Variants in BCL2 observed in about 807,000 individuals in gnomAD.
BCL2 encodes BCL2 apoptosis regulator, also known as apoptosis regulator Bcl-2.
Under a neutral mutation model 14.2 loss-of-function variants are expected in BCL2, and 1 was observed. The observed-to-expected ratio is 0.07, with a 90% CI of 0.02 to 0.33. The LOEUF is 0.33. Ranked by LOEUF, BCL2 falls within the 10% of genes least tolerant of loss-of-function variation. The probability of loss-of-function intolerance (pLI) is 0.99; values close to 1 mark genes in which losing one functional copy is unlikely to be tolerated. For missense variants in BCL2, 247 were observed against 305.9 expected, an observed-to-expected ratio of 0.81 and a Z score of 1.44; for synonymous variants, 151 against 137.2, an observed-to-expected ratio of 1.10 and a Z score of -0.70.
At chr18:63,288,378 T>A (rs1477780487) in intron 2 of BCL2, among the ~76,000 whole-genome samples, 2 of 152,260 alleles carry the variant, frequency 1.3e-5, no homozygotes, top group African/African-American at 4.8e-5. Flanking sequence ...ATAACAAAGC[T>A]TTTCCTTCCT....
intron 2 of BCL2, among the ~76,000 whole-genome samples, chr18:63,147,189 A>C (rs1250821794): frequency 6.6e-6 from 1 of 152,094 alleles, no homozygotes; most frequent in Non-Finnish European, 1.5e-5. Flanking sequence ...CAGTTCCTCC[A>C]CTTGTGGTCC....
In BCL2 at chr18:63,128,506, G is replaced by C; in HGVS notation, c.*119C>G. The C allele has an allele frequency of 1.5e-6, 1 of 657,576 alleles. No individual in the cohort carries two copies. The highest frequency in any genetic ancestry group is 2.8e-6 in the Non-Finnish European group (1 of 353,532). The allele number at this position is 657,576 out of a possible 1,614,324, so 40.7% of individuals were successfully genotyped here. ...GTCTGTGTGTGTGATGTTTATATGT[G>C]TGTTATTTTTTCTTAAACAGCCTGC... On this transcript the variant is annotated 3_prime_UTR_variant, in exon 3 of 3. Coordinates refer to ENST00000333681, the MANE Select transcript of BCL2 (RefSeq NM_000633.3).
chr18:63,133,494 G>C (rs1043113316), intron 2 of BCL2, among the ~76,000 whole-genome samples: 2 of 151,970 alleles, frequency 1.3e-5, no homozygotes, highest in African/African-American at 4.8e-5. Flanking sequence ...TTTCATGTTG[G>C]CCAGGCTGGA....
intron 2 of BCL2, among the ~76,000 whole-genome samples, chr18:63,284,956 A>G (rs2144259905): frequency 6.6e-6 from 1 of 152,272 alleles, no homozygotes; most frequent in African/African-American, 2.4e-5. Context: ...AGACGCCAGG[A>G]AAAAAATGGA....
intron 2 of BCL2, among the ~76,000 whole-genome samples, chr18:63,188,654 A>G (rs572530685): frequency 6.6e-6 from 1 of 152,276 alleles, no homozygotes; most frequent in African/African-American, 2.4e-5. Flanking sequence ...CCATAATACT[A>G]TGTATACATC....
At chr18:63,296,471 T>TTGTTTTG (rs908193528) in intron 2 of BCL2, among the ~76,000 whole-genome samples, 1 of 152,174 alleles carries the variant, frequency 6.6e-6, no homozygotes, top group South Asian at 2.1e-4. Context: ...ATTGGCTTAA[T>TTGTTTTG]TGTTTTGTGT....
intron 2 of BCL2, among the ~76,000 whole-genome samples, chr18:63,306,626 A>C (rs1478806159): frequency 6.6e-6 from 1 of 152,164 alleles, no homozygotes; most frequent in Non-Finnish European, 1.5e-5. Context: ...CTCATCCTTC[A>C]GGCTTCAGTC....
intron 2 of BCL2, among the ~76,000 whole-genome samples, chr18:63,289,161 C>A (rs896967426): frequency 6.6e-6 from 1 of 151,922 alleles, no homozygotes; most frequent in East Asian, 1.9e-4. Flanking sequence ...TAGAAAACAG[C>A]CCCGGGCCTC....
chr18:63,229,400 A>AT (rs1172323540), intron 2 of BCL2, among the ~76,000 whole-genome samples: 35 of 152,294 alleles, frequency 2.3e-4, no homozygotes, highest in Middle Eastern at 6.8e-3. Context: ...TAACTGATAT[A>AT]TTTGAGTATT....
rs183719651 is a variant in BCL2, at chr18:63,229,346, G to A, written c.585+88736C>T. On this transcript the variant is annotated intron_variant, in intron 2 of 2. Coordinates refer to ENST00000333681, the MANE Select transcript of BCL2 (RefSeq NM_000633.3). The stretch of plus-strand genomic sequence containing the variant: ...AATACAGGAAAGTGGTATTTAGGTG[G>A]TGTGATTGTGTGCCTTTGCATTTAG... 4.6e-5 allele frequency among the ~76,000 whole-genome samples: 7 copies of A among 152,282 alleles called. No individual in the cohort carries two copies. In the East Asian group the frequency reaches 1.3e-3, roughly 29 times the overall value.
chr18:63,192,337 A>AACCTGATGT (rs1909311771), intron 2 of BCL2, among the ~76,000 whole-genome samples: 1 of 152,212 alleles, frequency 6.6e-6, no homozygotes, highest in Non-Finnish European at 1.5e-5. Flanking sequence ...TCAGGAAGTC[A>AACCTGATGT]GTTCGAGTGG....
intron 2 of BCL2, among the ~76,000 whole-genome samples, chr18:63,310,740 C>G (rs78803499): frequency 6.6e-6 from 1 of 152,200 alleles, no homozygotes; most frequent in Non-Finnish European, 1.5e-5. Flanking sequence ...CATCACTACC[C>G]CGGTTCCTGG....
chr18:63,147,923 C>T (rs1314420605), intron 2 of BCL2, among the ~76,000 whole-genome samples: 3 of 152,148 alleles, frequency 2.0e-5, no homozygotes, highest in Non-Finnish European at 4.4e-5. Flanking sequence ...TCTTGTATCT[C>T]CTAGAATACC....
intron 2 of BCL2, among the ~76,000 whole-genome samples, chr18:63,134,396 C>G (rs1914155064): frequency 6.6e-6 from 1 of 152,174 alleles, no homozygotes; most frequent in African/African-American, 2.4e-5. Context: ...GCAGCCATGA[C>G]CTAGAACCAT....
At chr18:63,142,681 C>T (rs945987070) in intron 2 of BCL2, among the ~76,000 whole-genome samples, 1 of 152,244 alleles carries the variant, frequency 6.6e-6, no homozygotes, top group Non-Finnish European at 1.5e-5. Context: ...CACCATCAAT[C>T]TACCGATCAG....
chr18:63,188,999 GT>G (rs36046351), intron 2 of BCL2, among the ~76,000 whole-genome samples: 28,204 of 139,792 alleles, frequency 0.2, 3,050 homozygotes, highest in East Asian at 0.34. Flanking sequence ...TTTTCCCCAA[GT>G]TTTTTTTTTT....
chr18:63,221,796 C>T (rs1413399448), intron 2 of BCL2, among the ~76,000 whole-genome samples: 3 of 152,226 alleles, frequency 2.0e-5, no homozygotes, highest in Admixed American at 2.0e-4. Context: ...AAATCAGAAC[C>T]TTAAGCATGA....
Position 63,125,949 on chromosome 18 carries a change from G to A in BCL2, c.*2676C>T, listed in dbSNP as rs1037728552. ...ATTTTTCAAATACTCTGTGAATCCC[G>A]TTTGAACAACAACAAAAGACAAAAC... On this transcript the variant is annotated 3_prime_UTR_variant, in exon 3 of 3. Transcript: ENST00000333681. 3.3e-5 allele frequency: 7 copies of A among 210,082 alleles called. No homozygotes were observed. The highest frequency in any genetic ancestry group is 7.1e-5 in the East Asian group (1 of 14,118). 13.0% of individuals were successfully genotyped at this position (210,082 alleles called of 1,614,324 possible).
At chr18:63,276,265 A>C (rs1280346927) in intron 2 of BCL2, among the ~76,000 whole-genome samples, 1 of 152,124 alleles carries the variant, frequency 6.6e-6, no homozygotes, top group African/African-American at 2.4e-5. Flanking sequence ...ATCTCTTTAA[A>C]ACCTAGGTTG....
Sources: allele counts gnomAD v4.1 joint callset (sites outside exome capture counted in the v4.1 genomes callset), GRCh38; gene constraint gnomAD v4.1.1; transcripts MANE v1.5; gene names NCBI Gene and HGNC (gene_info 2026-07-23, HGNC 2026-07-21).